The following STON2 variants were observed in gnomAD, a reference collection of about 807,000 sequenced individuals.
STON2 encodes the protein stonin-2.
Under a neutral mutation model 65.7 loss-of-function variants are expected in STON2, and 29 were observed. That is an observed-to-expected ratio of 0.44 (90% confidence interval 0.33 to 0.60). The LOEUF (loss-of-function observed/expected upper bound fraction) is 0.60, where lower values mean the gene tolerates loss of function less well. STON2 is among the 20% of genes least tolerant of loss of function. The pLI is 0.03. For synonymous variants in STON2, 404 were observed against 414.2 expected (o/e 0.98, Z 0.30); for missense variants, 1,054 against 1,118.1 (o/e 0.94, Z 0.82).
intron 5 of STON2, among the ~76,000 whole-genome samples, chr14:81,280,352 G>A (rs1895055182): frequency 6.6e-6 from 1 of 152,174 alleles, no homozygotes; most frequent in African/African-American, 2.4e-5. Context: ...CAACAAATGT[G>A]TGCATATAGT....
At chr14:81,332,708 T>A (rs1897253103) in intron 4 of STON2, among the ~76,000 whole-genome samples, 1 of 152,220 alleles carries the variant, frequency 6.6e-6, no homozygotes, top group Non-Finnish European at 1.5e-5. Flanking sequence ...AAAGATTAGA[T>A]TTGCTCTTTA....
chr14:81,293,602 C>T (rs1178732138), intron 5 of STON2, among the ~76,000 whole-genome samples: 4 of 152,210 alleles, frequency 2.6e-5, no homozygotes, highest in Non-Finnish European at 5.9e-5. Context: ...CTGAGCTTGG[C>T]TATGTGATTT....
intron 5 of STON2, among the ~76,000 whole-genome samples, chr14:81,302,934 T>C: frequency 6.6e-6 from 1 of 152,230 alleles, no homozygotes; most frequent in Non-Finnish European, 1.5e-5. Flanking sequence ...TGTAAGGCAC[T>C]GCCATCTATA....
rs1227703198 is a variant in STON2, at chr14:81,313,820, C to T, written c.742+10197G>A. Among the ~76,000 whole-genome samples the T allele has an allele frequency of 4.4e-4, 60 of 137,874 alleles. 1 individual carries two copies. In the South Asian group the frequency reaches 0.011, roughly 25 times the overall value. 90.5% of individuals were successfully genotyped at this position (137,874 alleles called of 152,430 possible). ...AAAAAAAAAAAAAAATACACACACA[C>T]ACACACACACACACACACACTAATG... On this transcript the variant is annotated intron_variant, in intron 5 of 7. Coordinates refer to ENST00000614646, the MANE Select transcript of STON2 (RefSeq NM_001394390.1).
intron 4 of STON2, among the ~76,000 whole-genome samples, chr14:81,365,769 T>A (rs1595400410): frequency 1.3e-5 from 2 of 151,784 alleles, no homozygotes. Flanking sequence ...ATAAAAAAAT[T>A]AAAAAATAAA....
intron 7 of STON2, chr14:81,269,565 C>G: frequency 1.0e-6 from 1 of 985,368 alleles, no homozygotes; most frequent in Non-Finnish European, 1.2e-6. Flanking sequence ...ATTCAACACA[C>G]AACAGTCAGG....
intron 5 of STON2, among the ~76,000 whole-genome samples, chr14:81,301,294 C>G (rs1295078393): frequency 6.6e-6 from 1 of 152,120 alleles, no homozygotes; most frequent in African/African-American, 2.4e-5. Flanking sequence ...AAAAAAGACA[C>G]AAGATTTAAA....
chr14:81,314,104 T>C (rs183076911), intron 5 of STON2, among the ~76,000 whole-genome samples: 1 of 152,348 alleles, frequency 6.6e-6, no homozygotes, highest in East Asian at 1.9e-4. Context: ...CAACTGCTTT[T>C]TCACATGTAG....
chr14:81,343,765 A>T (rs904602133), intron 4 of STON2, among the ~76,000 whole-genome samples: 1 of 152,190 alleles, frequency 6.6e-6, no homozygotes, highest in Non-Finnish European at 1.5e-5. Context: ...TATTCCAGGC[A>T]TTTTATGTAC....
chr14:81,272,323 C>T (rs958593576), intron 6 of STON2, among the ~76,000 whole-genome samples: 8 of 152,154 alleles, frequency 5.3e-5, no homozygotes, highest in African/African-American at 1.9e-4. Flanking sequence ...AACAGAAGAC[C>T]AAGTTTGCAG....
intron 5 of STON2, among the ~76,000 whole-genome samples, chr14:81,307,985 G>A (rs1896248498): frequency 6.6e-6 from 1 of 152,104 alleles, no homozygotes; most frequent in South Asian, 2.1e-4. Context: ...TTGTTCAAGG[G>A]TCAACTGTAT....
intron 3 of STON2, among the ~76,000 whole-genome samples, chr14:81,384,391 G>C (rs1899684851): frequency 6.6e-6 from 1 of 152,020 alleles, no homozygotes; most frequent in African/African-American, 2.4e-5. Context: ...GGGATTACAG[G>C]CGCCCGGCTA....
intron 5 of STON2, among the ~76,000 whole-genome samples, chr14:81,310,372 C>T (rs1159588874): frequency 6.6e-6 from 1 of 152,082 alleles, no homozygotes; most frequent in Non-Finnish European, 1.5e-5. Flanking sequence ...AACTGTGAAC[C>T]CTCAAAATGG....
At chr14:81,290,328 C>T (rs1895504946) in intron 5 of STON2, among the ~76,000 whole-genome samples, 1 of 152,100 alleles carries the variant, frequency 6.6e-6, no homozygotes, top group African/African-American at 2.4e-5. Flanking sequence ...CATTTTGAAC[C>T]TTAGTGATGA....
chr14:81,287,488 A>T (rs1464459843), intron 5 of STON2, among the ~76,000 whole-genome samples: 2 of 152,160 alleles, frequency 1.3e-5, no homozygotes, highest in East Asian at 3.9e-4. Context: ...TTTACTTACT[A>T]AGGTGACCTA....
intron 5 of STON2, among the ~76,000 whole-genome samples, chr14:81,286,760 A>G (rs961429982): frequency 2.0e-5 from 3 of 152,240 alleles, no homozygotes; most frequent in Non-Finnish European, 4.4e-5. Context: ...AAGTGAAAAG[A>G]GGAACACAGA....
chr14:81,319,021 G>A lies in STON2; in HGVS notation c.742+4996C>T, dbSNP rs182734744. On this transcript the variant is annotated intron_variant, in intron 5 of 7. Transcript: ENST00000614646. ...GTAGCCCCATCTCTGCCATCTCCAC[G>A]AGAATAACATGCTAAAGGTAGCGGC... Among the ~76,000 whole-genome samples, 49 of 152,272 alleles carry A rather than the reference G, an allele frequency of 3.2e-4. No homozygotes were observed. The South Asian group carries it at 3.9e-3, about 12-fold the overall frequency.
intron 5 of STON2, among the ~76,000 whole-genome samples, chr14:81,300,435 A>AT (rs1251741035): frequency 6.6e-6 from 1 of 152,148 alleles, no homozygotes; most frequent in African/African-American, 2.4e-5. Flanking sequence ...ATATAAATAA[A>AT]TTGTACTTCA....
intron 1 of STON2, among the ~76,000 whole-genome samples, chr14:81,399,299 C>T (rs527638962): frequency 3.6e-4 from 55 of 152,248 alleles, no homozygotes; most frequent in Middle Eastern, 3.4e-3. Context: ...CTTTTTACAA[C>T]CTGAACCTAG....
Sources: allele counts gnomAD v4.1 joint callset (sites outside exome capture counted in the v4.1 genomes callset), GRCh38; gene constraint gnomAD v4.1.1; transcripts MANE v1.5; gene names NCBI Gene and HGNC (gene_info 2026-07-23, HGNC 2026-07-21).